HSF2BP: variants seen among roughly 807,000 people sequenced by gnomAD.
HSF2BP encodes heat shock transcription factor 2 binding protein, also known as heat shock factor 2-binding protein.
In HSF2BP, 35 loss-of-function variants were observed where a neutral mutation model predicts 35.0. The observed-to-expected ratio is 1.00, with a 90% CI of 0.76 to 1.32. The LOEUF is 1.32. Among genes scored for constraint, HSF2BP ranks in the 40% most tolerant of loss-of-function variants. HSF2BP has a pLI of 0.00. For synonymous variants in HSF2BP, 114 were observed against 117.4 expected, an observed-to-expected ratio of 0.97 and a Z score of 0.18; for missense variants, 326 against 321.7, an observed-to-expected ratio of 1.01 and a Z score of -0.10.
At chr21:43,581,740 C>A (rs1335043064) in intron 8 of HSF2BP, among the ~76,000 whole-genome samples, 1 of 152,154 alleles carries the variant, frequency 6.6e-6, no homozygotes, top group South Asian at 2.1e-4. Flanking sequence ...ACACCCACCA[C>A]TAAAATCACT....
chr21:43,615,856 A>G (rs112912100), intron 6 of HSF2BP, among the ~76,000 whole-genome samples: 1,751 of 152,220 alleles, frequency 0.012, 33 homozygotes, highest in African/African-American at 0.04. Context: ...TCATGTAAAT[A>G]ACTTCAGATA....
chr21:43,614,003 A>T (rs769185412), intron 6 of HSF2BP, 56 bp from the exon 7 acceptor site: 2 of 1,254,604 alleles, frequency 1.6e-6, no homozygotes, highest in Non-Finnish European at 2.3e-6. Context: ...AACCTAGACA[A>T]TTTTGTGCAG....
intron 5 of HSF2BP, among the ~76,000 whole-genome samples, chr21:43,632,316 CCACA>C (rs1209146962): frequency 6.6e-5 from 6 of 90,228 alleles, no homozygotes; most frequent in African/African-American, 2.1e-4. Flanking sequence ...ACACACGCTC[CCACA>C]CACACACTCC....
At chr21:43,605,285 T>C (rs1160233459) in intron 7 of HSF2BP, among the ~76,000 whole-genome samples, 1 of 118,548 alleles carries the variant, frequency 8.4e-6, no homozygotes, top group Non-Finnish European at 1.7e-5. Flanking sequence ...CACACACACA[T>C]CACACCCCAC....
chr21:43,616,053 ATAT>A (rs1568915979), intron 6 of HSF2BP, among the ~76,000 whole-genome samples: 1 of 74,596 alleles, frequency 1.3e-5, no homozygotes. Context: ...AAAAAAAAAA[ATAT>A]ATATATATAT....
chr21:43,582,882 GA>G, intron 8 of HSF2BP, among the ~76,000 whole-genome samples: 2 of 9,504 alleles, frequency 2.1e-4, no homozygotes, highest in Non-Finnish European at 1.6e-4. Flanking sequence ...TGAGGGAGAT[GA>G]AGGGCCTGCT....
rs1311987778 is a variant in HSF2BP at position 43,633,283 on chromosome 21, T to C, written c.430A>G (p.Ile144Val). ...VSSSEEVVKA[I>V]LGGDKALKFF... Reference sequence around the variant, plus strand: ...CTGACCATACTTACTCCTCCCAAAATGGCCTTGACGACTTCCTCACTGCTG... The same window carrying C: ...CTGACCATACTTACTCCTCCCAAAACGGCCTTGACGACTTCCTCACTGCTG... The change falls in exon 5 of 9, where the codon ATT becomes GTT. Residue 144 changes from isoleucine (I) to valine (V), a missense_variant. Transcript: ENST00000291560. The C allele has an allele frequency of 6.2e-7, 1 of 1,612,086 alleles. No homozygotes were observed. The highest frequency in any genetic ancestry group is 1.3e-5 in the African/African-American group (1 of 74,840).
At chr21:43,575,663 T>C (rs2081634108) in intron 8 of HSF2BP, among the ~76,000 whole-genome samples, 1 of 152,176 alleles carries the variant, frequency 6.6e-6, no homozygotes, top group Non-Finnish European at 1.5e-5. Flanking sequence ...AGGAAGTGCA[T>C]CTTAACAAAC....
chr21:43,627,555 A>C (rs945416658), intron 6 of HSF2BP, among the ~76,000 whole-genome samples: 3 of 152,144 alleles, frequency 2.0e-5, no homozygotes, highest in African/African-American at 7.2e-5. Flanking sequence ...TTCCAAAATA[A>C]ACATACCCGG....
chr21:43,627,797 C>T (rs2082407453), intron 6 of HSF2BP, among the ~76,000 whole-genome samples: 1 of 152,190 alleles, frequency 6.6e-6, no homozygotes, highest in Admixed American at 6.5e-5. Flanking sequence ...GGCAACCCTA[C>T]ATTGAGCAAG....
intron 7 of HSF2BP, among the ~76,000 whole-genome samples, chr21:43,594,549 G>T (rs1358087245): frequency 6.6e-6 from 1 of 152,086 alleles, no homozygotes; most frequent in Admixed American, 6.6e-5. Flanking sequence ...ATCACTGAAA[G>T]AAACAAGGGT....
At chr21:43,654,567 G>A (rs1306297533) in intron 3 of HSF2BP, among the ~76,000 whole-genome samples, 1 of 151,748 alleles carries the variant, frequency 6.6e-6, no homozygotes, top group Non-Finnish European at 1.5e-5. Context: ...GTTCTGGTAT[G>A]GTCTTCCTCA....
intron 3 of HSF2BP, among the ~76,000 whole-genome samples, chr21:43,648,151 GT>G (rs925943946): frequency 6.6e-6 from 1 of 151,622 alleles, no homozygotes; most frequent in Non-Finnish European, 1.5e-5. Flanking sequence ...CTCCCCAAGT[GT>G]TTTTTTTCCC....
Position 43,616,717 on chromosome 21 carries a change from C to T in HSF2BP, c.575-2770G>A, listed in dbSNP as rs554307611. 3.5e-4 allele frequency among the ~76,000 whole-genome samples: 53 copies of T among 152,068 alleles called. No homozygotes were observed. The East Asian group carries it at 7.7e-3, about 22-fold the overall frequency. Reference sequence around the variant, plus strand: ...GGGAGGCCGAGGTGGGCGGATCACGCGGTCTGGAGATCAAGATCATCCTGG... The same window carrying T: ...GGGAGGCCGAGGTGGGCGGATCACGTGGTCTGGAGATCAAGATCATCCTGG... On this transcript the variant is annotated intron_variant, in intron 6 of 8. Coordinates refer to ENST00000291560, the MANE Select transcript of HSF2BP (RefSeq NM_007031.2).
At chr21:43,577,063 G>A (rs942297440) in intron 8 of HSF2BP, among the ~76,000 whole-genome samples, 4 of 152,136 alleles carry the variant, frequency 2.6e-5, no homozygotes, top group Admixed American at 2.0e-4. Flanking sequence ...TGGTCAAGGA[G>A]CTTGCCCCAA....
chr21:43,589,635 A>G (rs1330555332), intron 8 of HSF2BP, among the ~76,000 whole-genome samples: 1 of 152,238 alleles, frequency 6.6e-6, no homozygotes, highest in East Asian at 1.9e-4. Flanking sequence ...AAGATTTATT[A>G]TAAAGCATGG....
intron 6 of HSF2BP, among the ~76,000 whole-genome samples, chr21:43,623,218 G>A (rs979336972): frequency 1.3e-5 from 2 of 151,744 alleles, no homozygotes; most frequent in Admixed American, 6.6e-5. Flanking sequence ...AACCAAATGC[G>A]TCAATGAAAA....
intron 5 of HSF2BP, among the ~76,000 whole-genome samples, chr21:43,631,417 C>T (rs2082454683): frequency 6.6e-6 from 1 of 152,192 alleles, no homozygotes; most frequent in Non-Finnish European, 1.5e-5. Context: ...CATACATGTT[C>T]CTTCTTTCCC....
chr21:43,605,924 CAT>C (rs1601656197), intron 7 of HSF2BP, among the ~76,000 whole-genome samples: 2 of 152,274 alleles, frequency 1.3e-5, no homozygotes, highest in East Asian at 3.9e-4. Flanking sequence ...CACACACACA[CAT>C]CCAGGCCATA....
Sources: allele counts gnomAD v4.1 joint callset (sites outside exome capture counted in the v4.1 genomes callset), GRCh38; gene constraint gnomAD v4.1.1; transcripts MANE v1.5; gene names NCBI Gene and HGNC (gene_info 2026-07-23, HGNC 2026-07-21).